PASK: variants seen among roughly 807,000 people sequenced by gnomAD.
PASK encodes PAS domain-containing serine/threonine-protein kinase.
Under a neutral mutation model 121.0 loss-of-function variants are expected in PASK, and 110 were observed. The ratio of observed to expected loss-of-function variants is 0.91; its 90% CI spans 0.78 to 1.06. The LOEUF (loss-of-function observed/expected upper bound fraction) is 1.06, where lower values mean the gene tolerates loss of function less well. Ranked by LOEUF, PASK falls within the 50% of genes least tolerant of loss-of-function variation. The pLI, the probability that PASK is intolerant of heterozygous loss-of-function variation, is 0.00. For missense variants in PASK, 1,643 were observed against 1,702.3 expected (o/e 0.97, Z 0.61); for synonymous variants, 686 against 717.8 (o/e 0.96, Z 0.71).
At chr2:241,110,683 A>C (rs1472065139) in intron 15 of PASK, among the ~76,000 whole-genome samples, 1 of 152,114 alleles carries the variant, frequency 6.6e-6, no homozygotes, top group Non-Finnish European at 1.5e-5. Flanking sequence ...CGGCCTGGGT[A>C]CAGGAAGGGG....
In PASK at chr2:241,126,672, A is replaced by C; in HGVS notation, c.2243T>G (p.Phe748Cys). ...SFSWNLKELFFSDQTDQTSSN... is the reference protein window; with the variant it reads ...SFSWNLKELFCSDQTDQTSSN... ...TGACGTTTGGTCTGTCTGGTCACTG[A>C]AAAAGAGTTCCTTGAGGTTCCAGGA... Residue 748 changes from phenylalanine (F) to cysteine (C), a missense_variant, in exon 10 of 18, where the codon TTC becomes TGC. Phe to Cys is a radical substitution (Grantham distance 205). This residue lies in a region of PASK where 1,176 missense variants were observed against 1,162.2 expected (regional missense o/e 1.01). Coordinates refer to ENST00000234040, the MANE Select transcript of PASK (RefSeq NM_015148.4). 6.2e-7 allele frequency: 1 copy of C among 1,614,166 alleles called. No individual in the cohort carries two copies. The highest frequency in any genetic ancestry group is 1.1e-5 in the South Asian group (1 of 91,084).
At chr2:241,107,582 C>A in intron 16 of PASK, 83 bp from the exon 17 acceptor site, 5 of 1,343,558 alleles carry the variant, frequency 3.7e-6, no homozygotes, top group South Asian at 1.2e-5. Flanking sequence ...CTCACCACCC[C>A]CCCGCAGAGC....
rs560194034 is a variant in PASK at position 241,123,607 on chromosome 2, C to G, written c.2904+342G>C. On this transcript the variant is annotated intron_variant, in intron 11 of 17. Coordinates refer to ENST00000234040, the MANE Select transcript of PASK (RefSeq NM_015148.4). ...CTGAGGCAGGTGGATCGCCTGAGGT[C>G]AGGAGGTTCAATACCAGCCTTGCCA... 5.9e-5 allele frequency among the ~76,000 whole-genome samples: 9 copies of G among 152,196 alleles called. No homozygotes were observed. The East Asian group carries it at 1.4e-3, about 23-fold the overall frequency.
intron 4 of PASK, 152 bp from the exon 5 acceptor site, chr2:241,138,946 C>T: frequency 1.3e-6 from 1 of 753,310 alleles, no homozygotes; most frequent in East Asian, 2.6e-5. Context: ...TACCAAAGCA[C>T]AAACAAGATT....
chr2:241,135,077 C>T (rs1250007203), intron 8 of PASK, among the ~76,000 whole-genome samples: 4 of 152,262 alleles, frequency 2.6e-5, no homozygotes, highest in Admixed American at 2.0e-4. Flanking sequence ...TACTGCCCCT[C>T]ATTGCTCCCA....
chr2:241,126,217 G>A lies in PASK; in HGVS notation c.2698C>T (p.His900Tyr), dbSNP rs765180142. ...ATACTCAGCCGTAAGCCATCTCGAT[G>A]GTAGCAGCTCCCGGAGTAGGCACCC... ...QEGAYSGSCY[H>Y]RDGLRLSIQF... Residue 900 changes from histidine (H) to tyrosine (Y), a missense_variant, in exon 10 of 18, where the codon CAT becomes TAT. Transcript: ENST00000234040. The A allele has an allele frequency of 3.1e-6, 5 of 1,614,070 alleles. No individual in the cohort carries two copies. The highest frequency in any genetic ancestry group is 4.2e-6 in the Non-Finnish European group (5 of 1,180,030).
chr2:241,122,253 A>AT (rs988998350), intron 12 of PASK, among the ~76,000 whole-genome samples: 1 of 152,192 alleles, frequency 6.6e-6, no homozygotes. Flanking sequence ...AATGAAAAAA[A>AT]TTTTTTATAA....
chr2:241,127,487 C>A, intron 9 of PASK, 36 bp from the exon 10 acceptor site: 1 of 1,515,914 alleles, frequency 6.6e-7, no homozygotes, highest in Non-Finnish European at 9.2e-7. Context: ...TCATGTAGGG[C>A]CACAGATGAG....
At chr2:241,146,717 T>C (rs566744387) in intron 1 of PASK, among the ~76,000 whole-genome samples, 3 of 152,276 alleles carry the variant, frequency 2.0e-5, no homozygotes, top group East Asian at 3.9e-4. Flanking sequence ...TTAAACTACT[T>C]CTTAAATAAG....
intron 1 of PASK, among the ~76,000 whole-genome samples, chr2:241,144,511 G>A (rs1375226600): frequency 6.6e-6 from 1 of 152,102 alleles, no homozygotes; most frequent in Non-Finnish European, 1.5e-5. Flanking sequence ...CCCTCTTCTG[G>A]ACCACCTTCT....
At position 241,115,312 on chromosome 2, in the gene PASK, C is replaced by G; in HGVS notation, c.3174G>C (p.Arg1058Ser). Residue 1058 changes from arginine to serine, a missense_variant, in exon 13 of 18, where the codon AGG becomes AGC. Coordinates refer to ENST00000234040, the MANE Select transcript of PASK (RefSeq NM_015148.4). ...KVTLEIAILS[R>S]VEHANIIKVL... ...CCTTGATGATATTGGCGTGCTCCAC[C>G]CTGGATAGAATTGCGATCTCTAAAG... is the stretch of plus-strand genomic sequence containing the variant. The G allele has an allele frequency of 6.2e-7, 1 of 1,613,988 alleles. No homozygotes were observed. Among genetic ancestry groups the G allele is most frequent in the East Asian group, 2.2e-5 (1 of 44,878 alleles).
rs979740755 is a variant in PASK, at chr2:241,144,796, T to C, written c.-42-1722A>G. Among the ~76,000 whole-genome samples the C allele has an allele frequency of 4.6e-5, 7 of 152,192 alleles. No homozygotes were observed. The South Asian group carries it at 6.2e-4, about 13-fold the overall frequency. On this transcript the variant is annotated intron_variant, in intron 1 of 17. Coordinates refer to ENST00000234040, the MANE Select transcript of PASK (RefSeq NM_015148.4). The stretch of plus-strand genomic sequence containing the variant: ...ATATGGAACTCCAAGGAGTCCCCCC[T>C]CCTTGCCTTATCCTAGCATCTGGTG...
At chr2:241,114,520 C>T in intron 14 of PASK, 1 of 1,002,726 alleles carries the variant, frequency 1.0e-6, no homozygotes, top group Non-Finnish European at 1.2e-6. Flanking sequence ...CTATTTGGAT[C>T]ATCACTCTCC....
intron 10 of PASK, among the ~76,000 whole-genome samples, chr2:241,125,058 T>C (rs916288487): frequency 7.2e-5 from 11 of 151,982 alleles, no homozygotes; most frequent in African/African-American, 2.4e-4. Flanking sequence ...CCCAGCACTT[T>C]GGGAGGCCGA....
At chr2:241,113,196 T>C (rs557163560) in intron 14 of PASK, 2 of 152,416 alleles carry the variant, frequency 1.3e-5, no homozygotes, top group African/African-American at 4.8e-5. Flanking sequence ...TGGACACCCA[T>C]TATACCAATC....
At chr2:241,131,211 C>A (rs993330707) in intron 9 of PASK, among the ~76,000 whole-genome samples, 2 of 151,058 alleles carry the variant, frequency 1.3e-5, no homozygotes, top group Non-Finnish European at 2.9e-5. Context: ...TGCAGTGGCG[C>A]GATCTAGGCT....
chr2:241,120,570 G>T (rs1258808249), intron 12 of PASK, among the ~76,000 whole-genome samples: 2 of 152,108 alleles, frequency 1.3e-5, no homozygotes, highest in African/African-American at 4.8e-5. Context: ...ATAAGATCAT[G>T]AAAAGACACT....
At chr2:241,118,770 CG>C in intron 12 of PASK, 1 of 308,566 alleles carries the variant, frequency 3.2e-6, no homozygotes, top group South Asian at 8.4e-5. Context: ...CAGGGGCCCA[CG>C]GCGCAGGGCA....
Position 241,115,299 on chromosome 2 carries a change from T to C in PASK, c.3187A>G (p.Asn1063Asp). 1 of 1,614,064 alleles carries C rather than the reference T, an allele frequency of 6.2e-7. No individual in the cohort carries two copies. Among genetic ancestry groups the C allele is most frequent in the Non-Finnish European group, 8.5e-7 (1 of 1,179,956 alleles). ...IAILSRVEHA[N>D]IIKVLDIFEN... ...GAGGAAACCATCACCTTGATGATAT[T>C]GGCGTGCTCCACCCTGGATAGAATT... Residue 1063 changes from asparagine to aspartate, a missense_variant, in exon 13 of 18, where the codon AAT becomes GAT. By Grantham distance (23) the Asn-to-Asp change is conservative. Transcript: ENST00000234040.
Sources: gnomAD v4.1 joint callset for allele counts (sites outside exome capture counted in the v4.1 genomes callset) on GRCh38, gnomAD v4.1.1 for gene constraint, gnomAD v4.1.1 regional missense constraint, MANE v1.5 for transcripts, NCBI Gene and HGNC (gene_info 2026-07-23, HGNC 2026-07-21) for gene names.